The following STAP1 variants were observed in gnomAD, a reference collection of about 807,000 sequenced individuals.
STAP1 encodes the protein signal transducing adaptor family member 1.
In STAP1, 30 loss-of-function variants were observed where a neutral mutation model predicts 37.8. The ratio of observed to expected loss-of-function variants is 0.79; its 90% CI spans 0.59 to 1.08. STAP1 has a LOEUF of 1.08. STAP1 is among the 50% of genes least tolerant of loss of function. The pLI is 0.00. For missense variants in STAP1, 357 were observed against 349.4 expected (o/e 1.02, Z -0.17); for synonymous variants, 130 against 116.0 (o/e 1.12, Z -0.78).
chr4:67,605,367 G>A (rs1728428605), intron 8 of STAP1, among the ~76,000 whole-genome samples: 1 of 135,698 alleles, frequency 7.4e-6, no homozygotes, highest in Non-Finnish European at 1.6e-5. Flanking sequence ...GGCAGGGCCA[G>A]GGAAGAAAAA....
At chr4:67,566,108 C>A (rs1394037762) in intron 1 of STAP1, among the ~76,000 whole-genome samples, 1 of 151,806 alleles carries the variant, frequency 6.6e-6, no homozygotes, top group Non-Finnish European at 1.5e-5. Context: ...GCCACTACTC[C>A]GGCTAATTTT....
In STAP1 at chr4:67,558,769, G is replaced by C; in HGVS notation, c.-41G>C. On this transcript the variant is annotated 5_prime_UTR_variant, in exon 1 of 9. Transcript: ENST00000265404. Reference sequence around the variant, plus strand: ...TCTCACAGAAGGAAGATTTCATTTTGTTTGAGACGAGAAACCAAACCACAC... The same window carrying C: ...TCTCACAGAAGGAAGATTTCATTTTCTTTGAGACGAGAAACCAAACCACAC... 1.3e-6 allele frequency: 2 copies of C among 1,584,430 alleles called. No individual in the cohort carries two copies. Among genetic ancestry groups the C allele is most frequent in the Non-Finnish European group, 1.7e-6 (2 of 1,169,026 alleles).
At chr4:67,576,683 C>T (rs943008269) in intron 3 of STAP1, among the ~76,000 whole-genome samples, 1 of 152,158 alleles carries the variant, frequency 6.6e-6, no homozygotes, top group Non-Finnish European at 1.5e-5. Flanking sequence ...TTTGTAGAGA[C>T]ATGGTTTCAC....
chr4:67,605,389 A>AC (rs1728430164), intron 8 of STAP1, among the ~76,000 whole-genome samples: 1 of 3,866 alleles, frequency 2.6e-4, no homozygotes, highest in Non-Finnish European at 1.9e-3. Context: ...TAGACAATAC[A>AC]AAAAAAAAAA....
At chr4:67,565,478 A>G (rs1727445074) in intron 1 of STAP1, among the ~76,000 whole-genome samples, 1 of 152,240 alleles carries the variant, frequency 6.6e-6, no homozygotes, top group Non-Finnish European at 1.5e-5. Context: ...ACCCACACAT[A>G]CAAATCACCA....
chr4:67,576,421 A>G (rs1727721664), intron 3 of STAP1, among the ~76,000 whole-genome samples: 1 of 152,194 alleles, frequency 6.6e-6, no homozygotes, highest in African/African-American at 2.4e-5. Context: ...TAGCACTTAA[A>G]GGTACTTAGT....
chr4:67,596,865 TA>T (rs1728237172), intron 8 of STAP1, among the ~76,000 whole-genome samples: 1 of 152,162 alleles, frequency 6.6e-6, no homozygotes, highest in Non-Finnish European at 1.5e-5. Flanking sequence ...AACTTATGTG[TA>T]AAAAGGAAGC....
At chr4:67,561,814 A>T (rs1962700) in intron 1 of STAP1, among the ~76,000 whole-genome samples, 1 of 151,766 alleles carries the variant, frequency 6.6e-6, no homozygotes, top group African/African-American at 2.4e-5. Context: ...TGGCTCATGC[A>T]TGTAATCCCA....
At chr4:67,603,056 TTTGG>T (rs1181292604) in intron 8 of STAP1, among the ~76,000 whole-genome samples, 1 of 151,850 alleles carries the variant, frequency 6.6e-6, no homozygotes, top group Non-Finnish European at 1.5e-5. Flanking sequence ...CAGCAATCTA[TTTGG>T]TGCTCTATTC....
At chr4:67,575,528 G>A in intron 3 of STAP1, 30 bp downstream of exon 3, 1 of 1,490,932 alleles carries the variant, frequency 6.7e-7, no homozygotes, top group Non-Finnish European at 9.3e-7. Context: ...AGTCTGTAAA[G>A]GGTTGTGGTT....
chr4:67,595,353 T>C (rs1002325538), intron 8 of STAP1, among the ~76,000 whole-genome samples: 4 of 110,818 alleles, frequency 3.6e-5, no homozygotes, highest in Admixed American at 1.1e-4. Context: ...CTGGGCAACA[T>C]AGGGAGACTT....
intron 5 of STAP1, 73 bp from the exon 6 acceptor site, chr4:67,583,501 G>C (rs772738285): frequency 3.5e-6 from 5 of 1,445,504 alleles, no homozygotes; most frequent in Non-Finnish European, 4.6e-6. Context: ...AAGTTATTTT[G>C]GTAGTATTTT....
chr4:67,606,914 C>CT lies in STAP1; in HGVS notation c.*562dup, dbSNP rs1184322706. The CT allele has an allele frequency of 6.6e-6, 1 of 152,048 alleles. No homozygotes were observed. The highest frequency in any genetic ancestry group is 1.5e-5 in the Non-Finnish European group (1 of 68,022). The allele number at this position is 152,048 out of a possible 1,614,324, so 9.4% of individuals were successfully genotyped here. On this transcript the variant is annotated 3_prime_UTR_variant, in exon 9 of 9. Coordinates refer to ENST00000265404, the MANE Select transcript of STAP1 (RefSeq NM_012108.4). Reference sequence around the variant, plus strand: ...TTCCCATGTTTTTCCCTGGTGTCATCTTTTTGCCACTCAAAATCAGCCCAT... The same window carrying CT: ...TTCCCATGTTTTTCCCTGGTGTCATCTTTTTTGCCACTCAAAATCAGCCCAT...
At chr4:67,588,377 T>C (rs1728039495) in intron 6 of STAP1, among the ~76,000 whole-genome samples, 2 of 150,834 alleles carry the variant, frequency 1.3e-5, no homozygotes, top group Admixed American at 6.6e-5. Context: ...ATGATGATGA[T>C]ATGATGTCTT....
rs1477857517 is a variant in STAP1 at position 67,607,181 on chromosome 4, C to T, written c.*824C>T. ...TCAACTAAGAATGAAAAGATATGGT[C>T]TATATTCTACAGGGGAAAGACTATG... On this transcript the variant is annotated 3_prime_UTR_variant, in exon 9 of 9. Coordinates refer to ENST00000265404, the MANE Select transcript of STAP1 (RefSeq NM_012108.4). The T allele has an allele frequency of 6.6e-6, 1 of 151,996 alleles. No individual in the cohort carries two copies. The highest frequency in any genetic ancestry group is 1.9e-4 in the East Asian group (1 of 5,186). The allele number at this position is 151,996 out of a possible 1,614,324, so 9.4% of individuals were successfully genotyped here.
chr4:67,604,432 G>A (rs1728408222), intron 8 of STAP1, among the ~76,000 whole-genome samples: 1 of 152,136 alleles, frequency 6.6e-6, no homozygotes, highest in Non-Finnish European at 1.5e-5. Context: ...CTGATAGCTG[G>A]AGGGTTCTAT....
chr4:67,581,562 C>A, intron 5 of STAP1, 91 bp downstream of exon 5: 2 of 1,401,910 alleles, frequency 1.4e-6, no homozygotes, highest in Non-Finnish European at 9.7e-7. Flanking sequence ...TCTTGTTAAG[C>A]CAGGGACAAT....
intron 7 of STAP1, 61 bp downstream of exon 7, chr4:67,591,014 T>C: frequency 7.3e-6 from 10 of 1,375,644 alleles, no homozygotes; most frequent in Non-Finnish European, 9.1e-6. Flanking sequence ...AGCCTCCTAG[T>C]GCTGGCAAAA....
At chr4:67,577,299 T>C (rs764617869) in intron 4 of STAP1, 40 bp downstream of exon 4, 23 of 1,530,638 alleles carry the variant, frequency 1.5e-5, no homozygotes, top group East Asian at 1.1e-4. Flanking sequence ...TTTTTTTTTT[T>C]CAACAAATAT....
Sources: gnomAD v4.1 joint callset for allele counts (sites outside exome capture counted in the v4.1 genomes callset) on GRCh38, gnomAD v4.1.1 for gene constraint, MANE v1.5 for transcripts, NCBI Gene and HGNC (gene_info 2026-07-23, HGNC 2026-07-21) for gene names.